Variants in WRN observed in about 807,000 individuals in gnomAD.
WRN encodes the protein WRN RecQ like helicase, also known as bifunctional 3'-5' exonuclease/ATP-dependent helicase WRN.
A neutral mutation model predicts 180.7 loss-of-function variants in WRN; 149 were observed. The ratio of observed to expected loss-of-function variants is 0.82; its 90% CI spans 0.72 to 0.94. The LOEUF is 0.94. Ranked by LOEUF, WRN falls within the 40% of genes least tolerant of loss-of-function variation. The pLI is 0.00. For missense variants in WRN, 1,661 were observed against 1,700.1 expected (o/e 0.98, Z 0.40); for synonymous variants, 548 against 568.9 (o/e 0.96, Z 0.52).
At chr8:31,053,785 T>C (rs182505888) in intron 1 of WRN, among the ~76,000 whole-genome samples, 28 of 152,360 alleles carry the variant, frequency 1.8e-4, no homozygotes, top group Non-Finnish European at 3.7e-4. Context: ...TAATTGGTGT[T>C]ATTTGAATCC....
intron 1 of WRN, 62 bp from the exon 2 acceptor site, chr8:31,058,310 T>C: frequency 1.4e-6 from 1 of 714,084 alleles, no homozygotes; most frequent in Non-Finnish European, 2.4e-6. Context: ...GACCTAGGTG[T>C]CATAACTTAC....
intron 1 of WRN, among the ~76,000 whole-genome samples, chr8:31,045,720 G>A (rs1161266636): frequency 1.3e-5 from 2 of 152,068 alleles, no homozygotes; most frequent in Non-Finnish European, 2.9e-5. Context: ...TTTAATTACT[G>A]TAGTTTTAAA....
Position 31,147,405 on chromosome 8 carries a change from T to C in WRN, c.3501T>C (p.His1167=), listed in dbSNP as rs2130440826. ...AATTGGTAGAAGCTAGGCAGAAACATGCCAATAAAATGGATGTTCCCCCAG... is the reference window on the plus strand; with the variant it reads ...AATTGGTAGAAGCTAGGCAGAAACACGCCAATAAAATGGATGTTCCCCCAG... ...YGKLVEARQK[H]ANKMDVPPAI... The change falls in exon 30 of 35, where the codon CAT becomes CAC. Residue 1167 remains histidine, a synonymous_variant. Transcript: ENST00000298139. 3 of 1,614,066 alleles carry C rather than the reference T, an allele frequency of 1.9e-6. No individual in the cohort carries two copies. The highest frequency in any genetic ancestry group is 2.5e-6 in the Non-Finnish European group (3 of 1,179,978).
intron 16 of WRN, among the ~76,000 whole-genome samples, chr8:31,096,075 A>C (rs1813959170): frequency 6.6e-6 from 1 of 152,218 alleles, no homozygotes; most frequent in South Asian, 2.1e-4. Flanking sequence ...TTGACATCAG[A>C]GCTTATTCTT....
rs1268409842 is a variant in WRN at position 31,174,815 on chromosome 8, TCCTTCCTCCCTCCCTC to T, written c.*1717_*1732del. 1.3e-3 allele frequency among the ~76,000 whole-genome samples: 122 copies of T among 96,560 alleles called. No homozygotes were observed. Among genetic ancestry groups the T allele is most frequent in the African/African-American group, 3.9e-3 (116 of 29,654 alleles). The allele number at this position is 96,560 out of a possible 152,430, so 63.3% of individuals were successfully genotyped here. ...CCTTCCCCTTCCTTCCTTCCTTCCTTCCTTCCTCCCTCCCTCCCTCCCTCCCTCCCTCCCTCCTTTC... is the reference window on the plus strand; with the variant it reads ...CCTTCCCCTTCCTTCCTTCCTTCCTTCCTCCCTCCCTCCCTCCCTCCTTTC... On this transcript the variant is annotated 3_prime_UTR_variant, in exon 35 of 35. Transcript: ENST00000298139.
At chr8:31,116,628 T>TTGAA in intron 20 of WRN, 100 bp downstream of exon 20, 3 of 1,517,216 alleles carry the variant, frequency 2.0e-6, no homozygotes, top group Non-Finnish European at 2.7e-6. Context: ...TTTCTTTGTG[T>TTGAA]TGAACATAAA....
In WRN at chr8:31,141,593, C is replaced by T. The variant is rs780547284; in HGVS notation, c.3131C>T (p.Thr1044Met). Residue 1044 changes from threonine to methionine, a missense_variant, in exon 25 of 35, where the codon ACG becomes ATG. Coordinates refer to ENST00000298139, the MANE Select transcript of WRN (RefSeq NM_000553.6). ...YNKFMKICAL[T>M]KKGRNWLHKA... Reference sequence around the variant, plus strand: ...AAATTTATGAAGATTTGCGCCCTTACGAAAAAGGTAAACGGTGTAGGAGTC... The same window carrying T: ...AAATTTATGAAGATTTGCGCCCTTATGAAAAAGGTAAACGGTGTAGGAGTC... 49 of 1,613,814 alleles carry T rather than the reference C, an allele frequency of 3.0e-5. No homozygotes were observed. The highest frequency in any genetic ancestry group is 3.7e-5 in the Non-Finnish European group (44 of 1,179,978).
intron 1 of WRN, among the ~76,000 whole-genome samples, chr8:31,052,210 ACTTTTGTCCC>A (rs1812102575): frequency 6.6e-6 from 1 of 152,164 alleles, no homozygotes; most frequent in African/African-American, 2.4e-5. Context: ...TTATTGACAT[ACTTTTGTCCC>A]CTGATTGTTA....
intron 1 of WRN, among the ~76,000 whole-genome samples, chr8:31,040,781 A>G (rs985810787): frequency 1.3e-5 from 2 of 152,206 alleles, no homozygotes; most frequent in Non-Finnish European, 2.9e-5. Flanking sequence ...GTTTTCCTAC[A>G]AAGGGGAGAA....
At chr8:31,167,378 A>G in intron 34 of WRN, 148 bp downstream of exon 34, 1 of 729,452 alleles carries the variant, frequency 1.4e-6, no homozygotes, top group East Asian at 2.7e-5. Flanking sequence ...TTTCATAAAT[A>G]TGATCTGAGA....
intron 1 of WRN, among the ~76,000 whole-genome samples, chr8:31,035,252 A>G (rs11574169): frequency 0.017 from 2,632 of 152,176 alleles, 65 homozygotes; most frequent in African/African-American, 0.058. Context: ...ATAGAGATTA[A>G]AAAGGAAAGG....
intron 23 of WRN, among the ~76,000 whole-genome samples, chr8:31,127,779 C>T (rs1018014846): frequency 6.6e-6 from 1 of 151,894 alleles, no homozygotes; most frequent in African/African-American, 2.4e-5. Flanking sequence ...AAAAAATTAG[C>T]TAGGCATAGC....
intron 17 of WRN, among the ~76,000 whole-genome samples, chr8:31,097,866 C>T (rs1814056753): frequency 6.6e-6 from 1 of 152,124 alleles, no homozygotes; most frequent in South Asian, 2.1e-4. Context: ...CCCTATTTCC[C>T]ACCTTCAGTT....
chr8:31,122,143 A>C (rs1023607523), intron 21 of WRN, among the ~76,000 whole-genome samples: 4 of 152,002 alleles, frequency 2.6e-5, no homozygotes, highest in Non-Finnish European at 4.4e-5. Flanking sequence ...AGTGATTCAA[A>C]TCAAATAGTG....
At chr8:31,110,435 A>G (rs1801266003) in intron 18 of WRN, among the ~76,000 whole-genome samples, 1 of 152,150 alleles carries the variant, frequency 6.6e-6, no homozygotes, top group Non-Finnish European at 1.5e-5. Flanking sequence ...TTTTGATTTA[A>G]TTTTTTTAAT....
intron 21 of WRN, among the ~76,000 whole-genome samples, chr8:31,123,802 G>T (rs569528317): frequency 3.4e-4 from 51 of 152,160 alleles, no homozygotes; most frequent in African/African-American, 1.2e-3. Flanking sequence ...TCTGATATTT[G>T]ATATTCATGG....
Position 31,091,903 on chromosome 8 carries a change from G to A in WRN, c.1898+5G>A, listed in dbSNP as rs775691856. The A allele has an allele frequency of 3.7e-6, 6 of 1,612,440 alleles. No homozygotes were observed. In the South Asian group the frequency reaches 4.4e-5, roughly 12 times the overall value. Reference sequence around the variant, plus strand: ...TGTTCTAACAGATATTAAATTGTGAGTAATTTTTTTCCCTCAACTTTTATT... The same window carrying A: ...TGTTCTAACAGATATTAAATTGTGAATAATTTTTTTCCCTCAACTTTTATT... On this transcript the variant is annotated splice_donor_5th_base_variant and intron_variant, in intron 16 of 34. Transcript: ENST00000298139.
In WRN at chr8:31,090,343, A is replaced by C. The variant is rs554968753; in HGVS notation, c.1653-122A>C. The C allele has an allele frequency of 1.2e-5, 11 of 946,858 alleles. No homozygotes were observed. The South Asian group carries it at 1.6e-4, about 14-fold the overall frequency. 58.7% of individuals were successfully genotyped at this position (946,858 alleles called of 1,614,324 possible). A position where few individuals can be genotyped will look rare whatever the true frequency, so the allele number is the denominator to read the frequency against. On this transcript the variant is annotated intron_variant, in intron 13 of 34. Coordinates refer to ENST00000298139, the MANE Select transcript of WRN (RefSeq NM_000553.6). The stretch of plus-strand genomic sequence containing the variant: ...TTGTTTTAAAGTTCCAGGTTTGTGC[A>C]TTTATGTATGAAGTTTGAAAATAAA...
chr8:31,059,315 G>A (rs993090076), intron 3 of WRN, 50 bp downstream of exon 3: 13 of 1,437,322 alleles, frequency 9.0e-6, no homozygotes, highest in Non-Finnish European at 1.3e-5. Context: ...CCCTTAGAAG[G>A]TACTATTATG....
Sources: allele counts gnomAD v4.1 joint callset (sites outside exome capture counted in the v4.1 genomes callset), GRCh38; gene constraint gnomAD v4.1.1; transcripts MANE v1.5; gene names NCBI Gene and HGNC (gene_info 2026-07-23, HGNC 2026-07-21).